The following GPC5 variants were observed in gnomAD, a reference collection of about 807,000 sequenced individuals.
GPC5 encodes glypican 5.
Under a neutral mutation model 53.9 loss-of-function variants are expected in GPC5, and 47 were observed. The observed-to-expected ratio is 0.87, with a 90% CI of 0.69 to 1.11. The LOEUF (loss-of-function observed/expected upper bound fraction) is 1.11. GPC5 is among the 50% of genes most tolerant of loss of function. The pLI, the probability that GPC5 is intolerant of heterozygous loss-of-function variation, is 0.00. For missense variants in GPC5, 748 were observed against 713.1 expected, an observed-to-expected ratio of 1.05 and a Z score of -0.56; for synonymous variants, 286 against 263.3, an observed-to-expected ratio of 1.09 and a Z score of -0.84.
At chr13:92,159,213 T>C (rs78635476) in intron 7 of GPC5, among the ~76,000 whole-genome samples, 2,614 of 152,304 alleles carry the variant, frequency 0.017, 76 homozygotes, top group African/African-American at 0.058. Context: ...TATACTTTTA[T>C]TTTTTTCTGC....
intron 5 of GPC5, among the ~76,000 whole-genome samples, chr13:91,880,738 G>A (rs181308230): frequency 6.6e-6 from 1 of 152,170 alleles, no homozygotes; most frequent in East Asian, 1.9e-4. Context: ...ATTCTTCCAG[G>A]CTATAGTCAA....
At chr13:92,660,748 G>A (rs1477179172) in intron 7 of GPC5, among the ~76,000 whole-genome samples, 1 of 151,724 alleles carries the variant, frequency 6.6e-6, no homozygotes, top group Non-Finnish European at 1.5e-5. Flanking sequence ...AGATCTCTTA[G>A]TCTACATAAA....
At chr13:91,537,104 G>A (rs1430862225) in intron 2 of GPC5, among the ~76,000 whole-genome samples, 2 of 152,020 alleles carry the variant, frequency 1.3e-5, no homozygotes, top group Non-Finnish European at 2.9e-5. Flanking sequence ...AGAAAAAAAG[G>A]TTTCAGATCA....
chr13:91,559,081 A>T (rs1463485356), intron 2 of GPC5, among the ~76,000 whole-genome samples: 1 of 152,040 alleles, frequency 6.6e-6, no homozygotes, highest in Non-Finnish European at 1.5e-5. Context: ...CTCAGGAGCC[A>T]TATTTAAAAA....
chr13:91,665,066 T>C (rs1233599447), intron 2 of GPC5, among the ~76,000 whole-genome samples: 1 of 152,188 alleles, frequency 6.6e-6, no homozygotes, highest in African/African-American at 2.4e-5. Context: ...CAAATATTAT[T>C]CAAAAATATT....
At chr13:92,560,310 A>G (rs1468503296) in intron 7 of GPC5, among the ~76,000 whole-genome samples, 1 of 152,044 alleles carries the variant, frequency 6.6e-6, no homozygotes, top group Non-Finnish European at 1.5e-5. Flanking sequence ...AACGTCACAG[A>G]ACCTCATACA....
At chr13:92,284,067 T>G (rs554949757) in intron 7 of GPC5, among the ~76,000 whole-genome samples, 4 of 152,126 alleles carry the variant, frequency 2.6e-5, no homozygotes, top group African/African-American at 9.6e-5. Context: ...TCACCACTGA[T>G]CCCACAGAAA....
At chr13:91,880,129 G>T (rs960071282) in intron 5 of GPC5, among the ~76,000 whole-genome samples, 10 of 151,676 alleles carry the variant, frequency 6.6e-5, no homozygotes, top group Non-Finnish European at 8.8e-5. Flanking sequence ...TTTAAATAAG[G>T]TTTTATGTTT....
chr13:91,715,228 T>G (rs1341909918), intron 3 of GPC5, among the ~76,000 whole-genome samples: 3 of 152,214 alleles, frequency 2.0e-5, no homozygotes, highest in African/African-American at 7.2e-5. Context: ...AGCTAGTTGT[T>G]AATTTGGTCT....
chr13:91,565,570 G>A (rs1175014607), intron 2 of GPC5, among the ~76,000 whole-genome samples: 2 of 152,196 alleles, frequency 1.3e-5, no homozygotes, highest in Non-Finnish European at 2.9e-5. Flanking sequence ...AAATATTGAA[G>A]TGGAAGAGAC....
At chr13:92,422,518 A>T (rs1298579421) in intron 7 of GPC5, among the ~76,000 whole-genome samples, 1 of 113,920 alleles carries the variant, frequency 8.8e-6, no homozygotes, top group South Asian at 2.6e-4. Context: ...ACACACACAC[A>T]CACACACACA....
chr13:91,885,047 T>C (rs1282724945), intron 5 of GPC5, among the ~76,000 whole-genome samples: 2 of 152,224 alleles, frequency 1.3e-5, no homozygotes, highest in Non-Finnish European at 2.9e-5. Flanking sequence ...TCATAAAATA[T>C]GAAAAATAAA....
At chr13:91,773,279 C>G (rs1317066108) in intron 5 of GPC5, among the ~76,000 whole-genome samples, 1 of 152,122 alleles carries the variant, frequency 6.6e-6, no homozygotes, top group Non-Finnish European at 1.5e-5. Flanking sequence ...TCAGGAGGTA[C>G]AGCGTTTTAA....
At chr13:92,782,924 G>A (rs537007880) in intron 7 of GPC5, among the ~76,000 whole-genome samples, 1 of 152,242 alleles carries the variant, frequency 6.6e-6, no homozygotes, top group Admixed American at 6.5e-5. Context: ...TCTTTACAAA[G>A]AGTGGAAAAT....
chr13:92,862,110 C>A (rs1407102836), intron 7 of GPC5, among the ~76,000 whole-genome samples: 2 of 152,148 alleles, frequency 1.3e-5, no homozygotes, highest in African/African-American at 4.8e-5. Context: ...ATGAGGACCA[C>A]ATTTGAATGG....
At chr13:92,487,042 G>A (rs1879581362) in intron 7 of GPC5, among the ~76,000 whole-genome samples, 2 of 152,100 alleles carry the variant, frequency 1.3e-5, no homozygotes, top group Admixed American at 1.3e-4. Flanking sequence ...TTTTAGTAGA[G>A]ATGGGGTTTC....
intron 7 of GPC5, among the ~76,000 whole-genome samples, chr13:92,577,460 T>G (rs1283583134): frequency 4.8e-4 from 52 of 109,396 alleles, no homozygotes; most frequent in African/African-American, 1.6e-3. Context: ...GTCAATGACC[T>G]TGAAAGTCTG....
chr13:92,428,800 G>A (rs559268961), intron 7 of GPC5, among the ~76,000 whole-genome samples: 3 of 152,020 alleles, frequency 2.0e-5, no homozygotes, highest in Non-Finnish European at 2.9e-5. Context: ...CTAATCAATC[G>A]TACTGATTCA....
chr13:91,399,254 C>T, intron 1 of GPC5, 45 bp downstream of exon 1: 2 of 1,586,216 alleles, frequency 1.3e-6, no homozygotes, highest in Non-Finnish European at 8.6e-7. Context: ...CGTCCGAGCC[C>T]GGCCTTCGCT....
Sources: allele counts gnomAD v4.1 joint callset (sites outside exome capture counted in the v4.1 genomes callset), GRCh38; gene constraint gnomAD v4.1.1; transcripts MANE v1.5; gene names NCBI Gene and HGNC (gene_info 2026-07-23, HGNC 2026-07-21).